The following LIPC variants were observed in gnomAD, a reference collection of about 807,000 sequenced individuals.
LIPC encodes the protein hepatic triacylglycerol lipase.
In LIPC, 44 loss-of-function variants were observed where a neutral mutation model predicts 50.7. The ratio of observed to expected loss-of-function variants is 0.87; its 90% CI spans 0.68 to 1.11. LIPC has a LOEUF of 1.11. Ranked by LOEUF, LIPC falls within the 50% of genes most tolerant of loss-of-function variation. The probability of loss-of-function intolerance (pLI) is 0.00; values close to 1 mark genes in which losing one functional copy is unlikely to be tolerated. For synonymous variants in LIPC, 271 were observed against 256.4 expected, an observed-to-expected ratio of 1.06 and a Z score of -0.54; for missense variants, 697 against 648.2, an observed-to-expected ratio of 1.08 and a Z score of -0.82.
chr15:58,465,619 G>C (rs1193607121), intron 1 of LIPC, among the ~76,000 whole-genome samples: 10 of 152,154 alleles, frequency 6.6e-5, no homozygotes, highest in Non-Finnish European at 1.5e-4. Context: ...GGAGTCCCAA[G>C]TGAATCCAGG....
In LIPC at chr15:58,432,872, C is replaced by T. The variant is rs544561655; in HGVS notation, c.88+752C>T. On this transcript the variant is annotated intron_variant, in intron 1 of 8. Transcript: ENST00000299022. ...CTGGTTACTGGTCAGGAGCTAGTAA[C>T]GCTAAGGTAGAGTCTGAGATTTTTC... 2.6e-5 allele frequency among the ~76,000 whole-genome samples: 4 copies of T among 152,230 alleles called. No homozygotes were observed. In the South Asian group the frequency reaches 6.2e-4, roughly 24 times the overall value.
chr15:58,435,678 G>A (rs774088733), intron 1 of LIPC: 1 of 152,226 alleles, frequency 6.6e-6, no homozygotes, highest in Admixed American at 6.5e-5. Flanking sequence ...GGGAGGCCGA[G>A]GTGGGTGGAT....
chr15:58,504,382 T>C (rs1892079238), intron 1 of LIPC, among the ~76,000 whole-genome samples: 1 of 152,236 alleles, frequency 6.6e-6, no homozygotes, highest in Non-Finnish European at 1.5e-5. Context: ...AAGATGCTTT[T>C]TGAGTCTCAA....
chr15:58,433,347 A>G (rs1893185734), intron 1 of LIPC, among the ~76,000 whole-genome samples: 1 of 152,210 alleles, frequency 6.6e-6, no homozygotes, highest in African/African-American at 2.4e-5. Context: ...TAAATCCTCA[A>G]TGAGTTCTCA....
chr15:58,547,550 C>T (rs1595941379), intron 5 of LIPC, among the ~76,000 whole-genome samples: 1 of 151,496 alleles, frequency 6.6e-6, no homozygotes, highest in African/African-American at 2.4e-5. Flanking sequence ...CCCTTTACAG[C>T]AAGTGTTTCA....
At chr15:58,433,075 T>C (rs1365956661) in intron 1 of LIPC, among the ~76,000 whole-genome samples, 2 of 152,246 alleles carry the variant, frequency 1.3e-5, no homozygotes, top group Non-Finnish European at 2.9e-5. Flanking sequence ...GTATTAATTA[T>C]TGCCATTCAC....
At chr15:58,452,284 C>T (rs1292017364) in intron 1 of LIPC, among the ~76,000 whole-genome samples, 1 of 152,206 alleles carries the variant, frequency 6.6e-6, no homozygotes, top group East Asian at 1.9e-4. Context: ...GGTTTTAACG[C>T]ACCCTCTGGG....
chr15:58,535,751 C>G (rs1229167017), intron 1 of LIPC, among the ~76,000 whole-genome samples: 1 of 152,216 alleles, frequency 6.6e-6, no homozygotes, highest in Non-Finnish European at 1.5e-5. Context: ...TTACAAATAT[C>G]TTATTTAATC....
At chr15:58,559,394 C>A (rs761152667) in intron 6 of LIPC, among the ~76,000 whole-genome samples, 1 of 152,174 alleles carries the variant, frequency 6.6e-6, no homozygotes, top group Non-Finnish European at 1.5e-5. Flanking sequence ...GTGGATTAAC[C>A]ATTGTCTAAA....
At chr15:58,499,064 A>C (rs1891879598) in intron 1 of LIPC, among the ~76,000 whole-genome samples, 1 of 152,184 alleles carries the variant, frequency 6.6e-6, no homozygotes, top group African/African-American at 2.4e-5. Flanking sequence ...TACTCGGCAC[A>C]AGAGAGGCCA....
chr15:58,516,098 T>C (rs1174302263), intron 1 of LIPC, among the ~76,000 whole-genome samples: 2 of 152,174 alleles, frequency 1.3e-5, no homozygotes, highest in Admixed American at 1.3e-4. Context: ...CCCAAGGCAA[T>C]GGGATTTTCT....
chr15:58,564,176 G>C (rs1394379404), intron 8 of LIPC, among the ~76,000 whole-genome samples: 2 of 43,806 alleles, frequency 4.6e-5, no homozygotes, highest in African/African-American at 1.7e-4. Flanking sequence ...CTCTCTCTCT[G>C]TGGTCGTATC....
At chr15:58,434,974 A>G (rs1458946552) in intron 1 of LIPC, 1 of 152,008 alleles carries the variant, frequency 6.6e-6, no homozygotes, top group African/African-American at 2.4e-5. Context: ...CAACTCACAC[A>G]CTCTGTTCAC....
chr15:58,504,129 G>A (rs1417039139), intron 1 of LIPC, among the ~76,000 whole-genome samples: 1 of 152,078 alleles, frequency 6.6e-6, no homozygotes, highest in Non-Finnish European at 1.5e-5. Flanking sequence ...CAGAGTGCAG[G>A]GCCACAGGGC....
chr15:58,460,736 G>T (rs1251769802), intron 1 of LIPC, among the ~76,000 whole-genome samples: 2 of 152,200 alleles, frequency 1.3e-5, no homozygotes, highest in East Asian at 3.9e-4. Context: ...GGAGAGTTTA[G>T]AGAAGCTCTG....
At chr15:58,443,261 G>T (rs896798236) in intron 1 of LIPC, among the ~76,000 whole-genome samples, 1 of 152,104 alleles carries the variant, frequency 6.6e-6, no homozygotes, top group Non-Finnish European at 1.5e-5. Flanking sequence ...CTCAACTTCC[G>T]TGGGTCTGGC....
intron 1 of LIPC, among the ~76,000 whole-genome samples, chr15:58,532,257 T>C (rs1892981991): frequency 6.6e-6 from 1 of 152,176 alleles, no homozygotes; most frequent in Non-Finnish European, 1.5e-5. Context: ...GGTCCAGCAG[T>C]GACTAAATTC....
At chr15:58,443,499 C>T (rs12438063) in intron 1 of LIPC, among the ~76,000 whole-genome samples, 43,176 of 152,134 alleles carry the variant, frequency 0.28, 6,292 homozygotes, top group Admixed American at 0.36. Context: ...CTTAAAAATT[C>T]TGGGCTACTT....
chr15:58,525,988 G>A (rs1490188944), intron 1 of LIPC, among the ~76,000 whole-genome samples: 4 of 152,276 alleles, frequency 2.6e-5, no homozygotes, highest in Admixed American at 6.5e-5. Flanking sequence ...ACCCCATGAG[G>A]AAACCATCTG....
Sources: gnomAD v4.1 joint callset for allele counts (sites outside exome capture counted in the v4.1 genomes callset) on GRCh38, gnomAD v4.1.1 for gene constraint, MANE v1.5 for transcripts, NCBI Gene and HGNC (gene_info 2026-07-23, HGNC 2026-07-21) for gene names.